The following ERI3 variants were observed in gnomAD, a reference collection of about 807,000 sequenced individuals.
ERI3 encodes the protein ERI1 exoribonuclease 3.
Under a neutral mutation model 44.4 loss-of-function variants are expected in ERI3, and 18 were observed. That is an observed-to-expected ratio of 0.41 (90% CI 0.28 to 0.60). The LOEUF is 0.60. Ranked by LOEUF, ERI3 falls within the 20% of genes least tolerant of loss-of-function variation. The pLI is 0.36. For missense variants in ERI3, 294 were observed against 435.5 expected, an observed-to-expected ratio of 0.68 and a Z score of 2.89; for synonymous variants, 183 against 164.8, an observed-to-expected ratio of 1.11 and a Z score of -0.84.
chr1:44,321,386 T>C (rs1219157375), intron 3 of ERI3, among the ~76,000 whole-genome samples: 1 of 152,146 alleles, frequency 6.6e-6, no homozygotes, highest in South Asian at 2.1e-4. Context: ...AGGCCCAGAC[T>C]GCTGCTTAGA....
intron 6 of ERI3, among the ~76,000 whole-genome samples, chr1:44,293,032 A>G (rs1404615851): frequency 1.3e-5 from 2 of 152,266 alleles, no homozygotes; most frequent in African/African-American, 4.8e-5. Flanking sequence ...ACTGCCTGTC[A>G]GGGAACACTA....
chr1:44,326,594 C>CCGT (rs1557854457), intron 3 of ERI3, among the ~76,000 whole-genome samples: 1 of 152,152 alleles, frequency 6.6e-6, no homozygotes, highest in Non-Finnish European at 1.5e-5. Context: ...TATAAATTAC[C>CCGT]CGTCGATTTG....
intron 7 of ERI3, among the ~76,000 whole-genome samples, chr1:44,270,490 A>G (rs1454100665): frequency 6.6e-6 from 1 of 152,156 alleles, no homozygotes; most frequent in East Asian, 1.9e-4. Context: ...TGGAGTACAC[A>G]CTCAATAGAA....
intron 8 of ERI3, among the ~76,000 whole-genome samples, chr1:44,227,607 C>A (rs1644076261): frequency 6.6e-6 from 1 of 152,120 alleles, no homozygotes; most frequent in Non-Finnish European, 1.5e-5. Context: ...TAACTAGTGT[C>A]CTGTATTATT....
At chr1:44,344,903 T>C (rs1421717975) in intron 2 of ERI3, among the ~76,000 whole-genome samples, 4 of 152,236 alleles carry the variant, frequency 2.6e-5, no homozygotes, top group Admixed American at 6.5e-5. Flanking sequence ...GAGGGGTAAA[T>C]GGGACTGCCA....
rs1298270213 is a variant in ERI3 at position 44,241,734 on chromosome 1, G to A, written c.931+6205C>T. Among the ~76,000 whole-genome samples the A allele has an allele frequency of 4.6e-5, 7 of 152,126 alleles. No homozygotes were observed. Among genetic ancestry groups the A allele is most frequent in the African/African-American group, 1.2e-4 (5 of 41,410 alleles). ...GATACAGAGAGAGACAAGGGGAGGC[G>A]AGGCCGGGGCCTGGGGCTAGGAAGG... On this transcript the variant is annotated intron_variant, in intron 8 of 8. Transcript: ENST00000372257. The surrounding 1 kb of genome is among the most constrained non-coding windows in gnomAD (Gnocchi z 5.6).
intron 2 of ERI3, among the ~76,000 whole-genome samples, chr1:44,347,929 C>A (rs919631903): frequency 1.3e-5 from 2 of 151,766 alleles, no homozygotes; most frequent in African/African-American, 2.4e-5. Flanking sequence ...TGTGCTAAGT[C>A]TCAGAGTTTT....
intron 6 of ERI3, among the ~76,000 whole-genome samples, chr1:44,297,584 C>A (rs757589145): frequency 6.6e-6 from 1 of 152,158 alleles, no homozygotes; most frequent in Non-Finnish European, 1.5e-5. Flanking sequence ...GGTGCCAACA[C>A]CCCTGTAGCC....
chr1:44,221,967 ACGGCCCC>A lies in ERI3; in HGVS notation c.932-334_932-328del, dbSNP rs1445223564. 6.6e-6 allele frequency among the ~76,000 whole-genome samples: 1 copy of A among 152,208 alleles called. No individual in the cohort carries two copies. Among genetic ancestry groups the A allele is most frequent in the Non-Finnish European group, 1.5e-5 (1 of 68,020 alleles). ...GAGTAAATGTGTAATTTCTCCCTTG[ACGGCCCC>A]CGGCCGCTGGGCGATCCTTCTTGTT... is the stretch of plus-strand genomic sequence containing the variant. On this transcript the variant is annotated intron_variant, in intron 8 of 8. Coordinates refer to ENST00000372257, the MANE Select transcript of ERI3 (RefSeq NM_024066.3). The surrounding 1 kb of genome is among the most constrained non-coding windows in gnomAD (Gnocchi z 5.9).
chr1:44,314,081 C>G (rs1385192353), intron 4 of ERI3, among the ~76,000 whole-genome samples: 1 of 152,086 alleles, frequency 6.6e-6, no homozygotes, highest in African/African-American at 2.4e-5. Flanking sequence ...CCACCCCCAG[C>G]ATGTCCCTGG....
chr1:44,352,980 T>A, intron 1 of ERI3, 55 bp from the exon 2 acceptor site: 1 of 1,611,100 alleles, frequency 6.2e-7, no homozygotes, highest in Non-Finnish European at 8.5e-7. Context: ...AAGGATCAAA[T>A]CCCCATGAAG....
chr1:44,317,473 T>C (rs1214414098), intron 4 of ERI3, among the ~76,000 whole-genome samples: 1 of 150,578 alleles, frequency 6.6e-6, no homozygotes, highest in African/African-American at 2.5e-5. Context: ...AAATAACAAG[T>C]CAGCAGTACA....
chr1:44,294,313 A>G (rs1645567367), intron 6 of ERI3, among the ~76,000 whole-genome samples: 1 of 152,204 alleles, frequency 6.6e-6, no homozygotes, highest in Non-Finnish European at 1.5e-5. Context: ...CAAAGTCTCC[A>G]AAAGACACTG....
At chr1:44,253,375 A>G (rs1644721175) in intron 7 of ERI3, among the ~76,000 whole-genome samples, 1 of 152,236 alleles carries the variant, frequency 6.6e-6, no homozygotes, top group African/African-American at 2.4e-5. Context: ...GAGATCACCC[A>G]GGACTACTCA....
chr1:44,259,095 A>G (rs1489594888), intron 7 of ERI3, among the ~76,000 whole-genome samples: 1 of 152,250 alleles, frequency 6.6e-6, no homozygotes, highest in Non-Finnish European at 1.5e-5. Flanking sequence ...ATATATAGCA[A>G]CAGAGCACAA....
chr1:44,275,127 C>A (rs1645156760), intron 7 of ERI3, among the ~76,000 whole-genome samples: 1 of 152,176 alleles, frequency 6.6e-6, no homozygotes, highest in South Asian at 2.1e-4. Context: ...TGCAGAGCCC[C>A]TAGCTATTCA....
chr1:44,231,728 A>G (rs550998500), intron 8 of ERI3, among the ~76,000 whole-genome samples: 9 of 152,292 alleles, frequency 5.9e-5, no homozygotes, highest in Admixed American at 5.9e-4. Flanking sequence ...AGTAATCAGA[A>G]TTAATCCTCT....
At chr1:44,293,131 C>T (rs984671682) in intron 6 of ERI3, among the ~76,000 whole-genome samples, 1 of 152,214 alleles carries the variant, frequency 6.6e-6, no homozygotes, top group African/African-American at 2.4e-5. Flanking sequence ...AGTATTAAAA[C>T]ATATTTTCCC....
chr1:44,229,509 C>T (rs115250450), intron 8 of ERI3, among the ~76,000 whole-genome samples: 4 of 152,162 alleles, frequency 2.6e-5, no homozygotes, highest in Admixed American at 2.6e-4. Context: ...CCAATTACCC[C>T]GCCCTGATTG....
Sources: allele counts gnomAD v4.1 joint callset (sites outside exome capture counted in the v4.1 genomes callset), GRCh38; gene constraint gnomAD v4.1.1; non-coding constraint Gnocchi (gnomAD v3.1); transcripts MANE v1.5; gene names NCBI Gene and HGNC (gene_info 2026-07-23, HGNC 2026-07-21).